Variants in TMEM39B observed in about 807,000 individuals in gnomAD.
TMEM39B encodes the protein transmembrane protein 39B.
TMEM39B carries 23 observed loss-of-function variants against 52.2 expected under a neutral mutation model. The observed-to-expected ratio is 0.44, with a 90% CI of 0.32 to 0.62. The LOEUF (loss-of-function observed/expected upper bound fraction) is 0.62, where lower values mean the gene tolerates loss of function less well. Ranked by LOEUF, TMEM39B falls within the 20% of genes least tolerant of loss-of-function variation. The probability of loss-of-function intolerance (pLI) is 0.06; values close to 1 mark genes in which losing one functional copy is unlikely to be tolerated. For synonymous variants in TMEM39B, 285 were observed against 264.0 expected, an observed-to-expected ratio of 1.08 and a Z score of -0.77; for missense variants, 547 against 642.0, an observed-to-expected ratio of 0.85 and a Z score of 1.60.
intron 6 of TMEM39B, among the ~76,000 whole-genome samples, chr1:32,092,733 C>T (rs957909979): frequency 1.7e-4 from 26 of 152,022 alleles, no homozygotes; most frequent in Admixed American, 1.5e-3. Flanking sequence ...CCAAGTGATC[C>T]GCCCACCTTG....
chr1:32,078,227 G>A lies in TMEM39B; in HGVS notation c.590+909G>A, dbSNP rs572142961. ...TGGCCAGGCACAGTAGCACAAACCT[G>A]TAATCCCAGCACTTTGGAGGCCAAG... On this transcript the variant is annotated intron_variant, in intron 5 of 8. Coordinates refer to ENST00000336294, the MANE Select transcript of TMEM39B (RefSeq NM_018056.4). Among the ~76,000 whole-genome samples, 9 of 152,270 alleles carry A rather than the reference G, an allele frequency of 5.9e-5. No individual in the cohort carries two copies. In the East Asian group the frequency reaches 1.5e-3, roughly 26 times the overall value.
intron 5 of TMEM39B, among the ~76,000 whole-genome samples, chr1:32,084,013 A>ACACACACACACACAC (rs1557426912): frequency 6.6e-6 from 1 of 152,120 alleles, no homozygotes; most frequent in African/African-American, 2.4e-5. Context: ...ACACACACAC[A>ACACACACACACACAC]AATGTTCCTA....
chr1:32,095,288 C>T (rs1407547773), intron 7 of TMEM39B, among the ~76,000 whole-genome samples: 1 of 152,332 alleles, frequency 6.6e-6, no homozygotes, highest in Non-Finnish European at 1.5e-5. Flanking sequence ...CCTGCTCACT[C>T]ATCCACTGGG....
At chr1:32,073,614 G>C (rs2124417194) in intron 1 of TMEM39B, 28 of 987,786 alleles carry the variant, frequency 2.8e-5, no homozygotes, top group Non-Finnish European at 3.4e-5. Context: ...GGTGTGGGCA[G>C]AGCTTCTGGA....
In TMEM39B at chr1:32,077,243, G is replaced by T. The variant is rs763595544; in HGVS notation, c.515G>T (p.Gly172Val). Reference sequence around the variant, plus strand: ...CGCTTCACCGTTCTCACGGCAACAGGCTGGAGTCTGTGCCGATCCCTCATC... The same window carrying T: ...CGCTTCACCGTTCTCACGGCAACAGTCTGGAGTCTGTGCCGATCCCTCATC... Reference protein sequence around the residue: ...LTRFTVLTATGWSLCRSLIHL... With the variant: ...LTRFTVLTATVWSLCRSLIHL... Residue 172 changes from glycine (G) to valine (V), a missense_variant, in exon 5 of 9, where the codon GGC becomes GTC. Gly to Val is a moderately radical substitution (Grantham distance 109). Transcript: ENST00000336294. 3.1e-6 allele frequency: 5 copies of T among 1,614,120 alleles called. No individual in the cohort carries two copies. The South Asian group carries it at 5.5e-5, about 18-fold the overall frequency.
chr1:32,084,013 A>ACACACACACACACACACAC (rs1557426912), intron 5 of TMEM39B, among the ~76,000 whole-genome samples: 1 of 152,118 alleles, frequency 6.6e-6, no homozygotes. Flanking sequence ...ACACACACAC[A>ACACACACACACACACACAC]AATGTTCCTA....
intron 7 of TMEM39B, among the ~76,000 whole-genome samples, chr1:32,098,376 G>A (rs1204131540): frequency 6.6e-6 from 1 of 152,104 alleles, no homozygotes; most frequent in Non-Finnish European, 1.5e-5. Context: ...CTTACAGGCT[G>A]TGACTTGCAG....
chr1:32,081,849 T>C (rs1008677630), intron 5 of TMEM39B, among the ~76,000 whole-genome samples: 3 of 152,148 alleles, frequency 2.0e-5, no homozygotes, highest in African/African-American at 7.2e-5. Flanking sequence ...AGTCTCCCCT[T>C]GACTGCTGCC....
chr1:32,083,383 G>A (rs536547775), intron 5 of TMEM39B, among the ~76,000 whole-genome samples: 13 of 144,104 alleles, frequency 9.0e-5, no homozygotes, highest in East Asian at 6.3e-4. Flanking sequence ...ACGCCTGGCC[G>A]GCAGGAACAT....
intron 5 of TMEM39B, among the ~76,000 whole-genome samples, chr1:32,078,362 A>T (rs920399499): frequency 1.8e-4 from 28 of 152,088 alleles, no homozygotes; most frequent in African/African-American, 6.5e-4. Flanking sequence ...GCACGCCTAT[A>T]GTCCCAGCTA....
chr1:32,082,353 G>A (rs1412590840), intron 5 of TMEM39B, among the ~76,000 whole-genome samples: 2 of 152,078 alleles, frequency 1.3e-5, no homozygotes, highest in Non-Finnish European at 2.9e-5. Context: ...ATAATTATGT[G>A]TATGAAAATA....
intron 5 of TMEM39B, among the ~76,000 whole-genome samples, chr1:32,084,004 C>G (rs1020747982): frequency 6.6e-6 from 1 of 152,132 alleles, no homozygotes; most frequent in African/African-American, 2.4e-5. Context: ...GACACACACA[C>G]ACACACACAA....
At position 32,085,791 on chromosome 1, in the gene TMEM39B, C is replaced by T. The variant is rs116070129; in HGVS notation, c.591-5884C>T. ...ATTCCCTTATTTTCCTCAATTTTGT[C>T]TTTTCACTGGGGTCAATTTTTCTGT... On this transcript the variant is annotated intron_variant, in intron 5 of 8. Coordinates refer to ENST00000336294, the MANE Select transcript of TMEM39B (RefSeq NM_018056.4). Among the ~76,000 whole-genome samples the T allele has an allele frequency of 3.6e-3, 542 of 151,248 alleles. 4 individuals carry two copies. Among genetic ancestry groups the T allele is most frequent in the African/African-American group, 0.013 (529 of 41,310 alleles).
intron 1 of TMEM39B, chr1:32,073,890 C>T (rs1382260741): frequency 3.0e-6 from 3 of 985,120 alleles, no homozygotes; most frequent in South Asian, 9.4e-5. Context: ...CAGGTTATAA[C>T]TTTTTAAAAA....
At position 32,073,012 on chromosome 1, in the gene TMEM39B, C is replaced by G. The variant is rs1639698574; in HGVS notation, c.-36C>G. The G allele has an allele frequency of 6.5e-7, 1 of 1,532,642 alleles. No individual in the cohort carries two copies. The highest frequency in any genetic ancestry group is 8.8e-7 in the Non-Finnish European group (1 of 1,137,938). 94.9% of individuals were successfully genotyped at this position (1,532,642 alleles called of 1,614,324 possible). Reference sequence around the variant, plus strand: ...GCCTCCGACATATTGCCCGCAGGAGCTGCGGCGGCGAAGCGGAGAGCACCG... The same window carrying G: ...GCCTCCGACATATTGCCCGCAGGAGGTGCGGCGGCGAAGCGGAGAGCACCG... On this transcript the variant is annotated 5_prime_UTR_variant, in exon 1 of 9. Coordinates refer to ENST00000336294, the MANE Select transcript of TMEM39B (RefSeq NM_018056.4).
chr1:32,076,666 C>G (rs1639874802), intron 3 of TMEM39B, 97 bp from the exon 4 acceptor site: 1 of 1,238,068 alleles, frequency 8.1e-7, no homozygotes, highest in Non-Finnish European at 1.2e-6. Context: ...TGAGGACAGT[C>G]TCTGTGGAAA....
At chr1:32,075,869 T>C (rs1557909946) in intron 3 of TMEM39B, 47 bp downstream of exon 3, 4 of 1,157,144 alleles carry the variant, frequency 3.5e-6, no homozygotes, top group Admixed American at 5.0e-5. Flanking sequence ...TGTGTGCGTG[T>C]GTGTGTATGT....
At position 32,072,996 on chromosome 1, in the gene TMEM39B, A is replaced by C; in HGVS notation, c.-52A>C. 3 of 1,533,268 alleles carry C rather than the reference A, an allele frequency of 2.0e-6. No individual in the cohort carries two copies. The highest frequency in any genetic ancestry group is 2.6e-6 in the Non-Finnish European group (3 of 1,138,564). 95.0% of individuals were successfully genotyped at this position (1,533,268 alleles called of 1,614,324 possible). A position where few individuals can be genotyped will look rare whatever the true frequency, so the allele number is the denominator to read the frequency against. On this transcript the variant is annotated 5_prime_UTR_variant, in exon 1 of 9. Transcript: ENST00000336294. Reference sequence around the variant, plus strand: ...TCTCCCGGCCGCCGTCGCCTCCGACATATTGCCCGCAGGAGCTGCGGCGGC... The same window carrying C: ...TCTCCCGGCCGCCGTCGCCTCCGACCTATTGCCCGCAGGAGCTGCGGCGGC...
chr1:32,076,756 C>G lies in TMEM39B; in HGVS notation c.352-7C>G, dbSNP rs1301490581. The G allele has an allele frequency of 1.2e-6, 2 of 1,613,978 alleles. No homozygotes were observed. Among genetic ancestry groups the G allele is most frequent in the Non-Finnish European group, 1.7e-6 (2 of 1,179,986 alleles). On this transcript the variant is annotated splice_polypyrimidine_tract_variant and splice_region_variant and intron_variant, in intron 3 of 8. Coordinates refer to ENST00000336294, the MANE Select transcript of TMEM39B (RefSeq NM_018056.4). ...CACATGACCCCCAGGCCTCTGCCCCCTGACAGAACTTCCATCTGATCGACT... is the reference window on the plus strand; with the variant it reads ...CACATGACCCCCAGGCCTCTGCCCCGTGACAGAACTTCCATCTGATCGACT...
Sources: allele counts gnomAD v4.1 joint callset (sites outside exome capture counted in the v4.1 genomes callset), GRCh38; gene constraint gnomAD v4.1.1; transcripts MANE v1.5; gene names NCBI Gene and HGNC (gene_info 2026-07-23, HGNC 2026-07-21).